The following CRHBP variants were observed in gnomAD, a reference collection of about 807,000 sequenced individuals.
The protein encoded by CRHBP is corticotropin-releasing hormone-binding protein.
Under a neutral mutation model 34.9 loss-of-function variants are expected in CRHBP, and 19 were observed. That is an observed-to-expected ratio of 0.55 (90% confidence interval 0.38 to 0.80). CRHBP has a LOEUF of 0.80. Among genes scored for constraint, CRHBP ranks in the 30% least tolerant of loss-of-function variants. CRHBP has a pLI of 0.00. For missense variants in CRHBP, 328 were observed against 409.2 expected, an observed-to-expected ratio of 0.80 and a Z score of 1.71; for synonymous variants, 154 against 153.4, an observed-to-expected ratio of 1.00 and a Z score of -0.03.
chr5:76,973,089 T>C (rs922622351), downstream of CRHBP, among the ~76,000 whole-genome samples: 1 of 152,200 alleles, frequency 6.6e-6, no homozygotes, highest in African/African-American at 2.4e-5. Context: ...ACTATGCATA[T>C]CCACATTGGA....
intron 5 of CRHBP, among the ~76,000 whole-genome samples, chr5:76,961,234 G>GA (rs1267779279): frequency 2.4e-4 from 36 of 152,212 alleles, no homozygotes; most frequent in Admixed American, 2.4e-3. Flanking sequence ...AAAGAAGGGA[G>GA]AAAAATCATT....
At chr5:76,954,978 T>C (rs1018426665) in intron 3 of CRHBP, among the ~76,000 whole-genome samples, 4 of 152,218 alleles carry the variant, frequency 2.6e-5, no homozygotes, top group Admixed American at 6.5e-5. Context: ...GTGGACTAGA[T>C]TGGACTCGTT....
chr5:76,968,054 A>G (rs1745886140), intron 6 of CRHBP, among the ~76,000 whole-genome samples: 1 of 152,200 alleles, frequency 6.6e-6, no homozygotes, highest in Admixed American at 6.5e-5. Flanking sequence ...TATAAATAGT[A>G]CAGAAAAAAT....
At chr5:76,953,404 G>GCCTT (rs1745603577) in intron 1 of CRHBP, 189 bp downstream of exon 1, 1 of 827,088 alleles carries the variant, frequency 1.2e-6, no homozygotes, top group Non-Finnish European at 2.0e-6. Flanking sequence ...CTGCCTGCCT[G>GCCTT]CCTTCCTCTG....
At chr5:76,955,609 A>G (rs758769087) in intron 3 of CRHBP, 44 bp from the exon 4 acceptor site, 1 of 1,570,866 alleles carries the variant, frequency 6.4e-7, no homozygotes, top group South Asian at 1.1e-5. Flanking sequence ...AGACTTCAGG[A>G]GTTGATGGAA....
Position 76,975,803 on chromosome 5 carries a change from C to CAAAAAAAAAA in CRHBP, n.312-548_312-539dup, listed in dbSNP as rs1158363151. Reference sequence around the variant, plus strand: ...TGGGCAACAGAGCGAGACTCTGTCTCAAAAAAAAAAAAAAAAAAAAAAATA... The same window carrying CAAAAAAAAAA: ...TGGGCAACAGAGCGAGACTCTGTCTCAAAAAAAAAAAAAAAAAAAAAAAAAAAAAAAAATA... On this transcript the variant is annotated intron_variant and non_coding_transcript_variant, in intron 2 of 3. Coordinates refer to the CRHBP transcript ENST00000514258. Among the ~76,000 whole-genome samples the CAAAAAAAAAA allele has an allele frequency of 7.7e-4, 27 of 35,220 alleles. No individual in the cohort carries two copies. The East Asian group carries it at 0.014, about 18-fold the overall frequency. The allele number at this position is 35,220 out of a possible 152,430, so 23.1% of individuals were successfully genotyped here. A position where few individuals can be genotyped will look rare whatever the true frequency, so the allele number is the denominator to read the frequency against.
At chr5:76,970,529 A>AATGG (rs771540525), downstream of CRHBP, among the ~76,000 whole-genome samples, 8 of 152,124 alleles carry the variant, frequency 5.3e-5, no homozygotes, top group East Asian at 3.9e-4. Flanking sequence ...TAAATGCTTG[A>AATGG]ATGGATGGAT....
intron 4 of CRHBP, among the ~76,000 whole-genome samples, chr5:76,957,532 C>T (rs184883033): frequency 2.3e-4 from 35 of 152,084 alleles, no homozygotes; most frequent in Admixed American, 2.2e-3. Context: ...ATTACAGGCG[C>T]CCGTCACCAT....
chr5:76,979,501 C>T (rs1386267480), intron 3 of CRHBP, among the ~76,000 whole-genome samples: 1 of 152,092 alleles, frequency 6.6e-6, no homozygotes, highest in East Asian at 1.9e-4. Context: ...CAGGCACGTG[C>T]CACCGCACCC....
intron 3 of CRHBP, among the ~76,000 whole-genome samples, chr5:76,977,847 A>T (rs1746062944): frequency 6.6e-6 from 1 of 152,248 alleles, no homozygotes; most frequent in Non-Finnish European, 1.5e-5. Flanking sequence ...TATTCCAAAC[A>T]GTTAGCCAAG....
At chr5:76,967,440 C>T (rs764482175) in intron 6 of CRHBP, among the ~76,000 whole-genome samples, 1 of 151,952 alleles carries the variant, frequency 6.6e-6, no homozygotes, top group East Asian at 1.9e-4. Context: ...ACCCATTACA[C>T]GAGGACAATG....
At chr5:76,955,548 T>C (rs899343738) in intron 3 of CRHBP, 105 bp from the exon 4 acceptor site, 4 of 933,378 alleles carry the variant, frequency 4.3e-6, no homozygotes, top group African/African-American at 1.7e-5. Flanking sequence ...TTCTCACTTA[T>C]GACTGAAGGC....
intron 3 of CRHBP, 106 bp from the exon 4 acceptor site, chr5:76,955,547 A>G: frequency 1.1e-6 from 1 of 924,762 alleles, no homozygotes. Context: ...ATTCTCACTT[A>G]TGACTGAAGG....
At chr5:76,962,631 A>C (rs1051127857) in intron 5 of CRHBP, among the ~76,000 whole-genome samples, 7 of 152,002 alleles carry the variant, frequency 4.6e-5, no homozygotes, top group African/African-American at 1.7e-4. Context: ...TGAAAAAAAA[A>C]AAAAAGGGGG....
chr5:76,978,546 A>ATT (rs34335042), intron 3 of CRHBP, among the ~76,000 whole-genome samples: 69,513 of 151,944 alleles, frequency 0.46, 17,726 homozygotes, highest in African/African-American at 0.69. Flanking sequence ...GAGAAAAATA[A>ATT]TCTTTCAAAA....
intron 4 of CRHBP, 28 bp downstream of exon 4, chr5:76,955,891 C>T (rs973157113): frequency 1.2e-6 from 2 of 1,601,314 alleles, no homozygotes; most frequent in African/African-American, 2.7e-5. Context: ...AAAGGCAGAA[C>T]TTCGGATATA....
chr5:76,968,645 T>C (rs1020447219), intron 6 of CRHBP, 83 bp from the exon 7 acceptor site: 17 of 1,414,312 alleles, frequency 1.2e-5, no homozygotes, highest in South Asian at 8.5e-5. Flanking sequence ...GCTTTCATTA[T>C]GTTTAAGTGA....
At chr5:76,961,188 A>C (rs1361630477) in intron 5 of CRHBP, among the ~76,000 whole-genome samples, 1 of 152,214 alleles carries the variant, frequency 6.6e-6, no homozygotes, top group African/African-American at 2.4e-5. Context: ...TGCATAACTC[A>C]GTTTCTGCCA....
At chr5:76,980,629 A>C (rs1416808934) in intron 3 of CRHBP, among the ~76,000 whole-genome samples, 1 of 152,230 alleles carries the variant, frequency 6.6e-6, no homozygotes, top group African/African-American at 2.4e-5. Context: ...TGTTGCTGTG[A>C]AGACAATTTT....
Sources: gnomAD v4.1 joint callset for allele counts (sites outside exome capture counted in the v4.1 genomes callset) on GRCh38, gnomAD v4.1.1 for gene constraint, MANE v1.5 for transcripts, NCBI Gene and HGNC (gene_info 2026-07-23, HGNC 2026-07-21) for gene names.